ANKS1A: variants seen among roughly 807,000 people sequenced by gnomAD.
ANKS1A encodes ankyrin repeat and SAM domain-containing protein 1A.
In ANKS1A, 55 loss-of-function variants were observed where a neutral mutation model predicts 120.3. The ratio of observed to expected loss-of-function variants is 0.46; its 90% CI spans 0.37 to 0.57. The LOEUF (loss-of-function observed/expected upper bound fraction) is 0.57. Ranked by LOEUF, ANKS1A falls within the 20% of genes least tolerant of loss-of-function variation. The pLI, the probability that ANKS1A is intolerant of heterozygous loss-of-function variation, is 0.00. For missense variants in ANKS1A, 1,123 were observed against 1,480.3 expected (o/e 0.76, Z 3.96); for synonymous variants, 590 against 604.7 (o/e 0.98, Z 0.36).
chr6:35,018,136 A>G lies in ANKS1A; in HGVS notation c.2010+77A>G, dbSNP rs550820627. 6.8e-4 allele frequency: 962 copies of G among 1,424,504 alleles called. 4 individuals carry two copies. The highest frequency in any genetic ancestry group is 8.4e-4 in the South Asian group (64 of 76,218). The allele number at this position is 1,424,504 out of a possible 1,614,324, so 88.2% of individuals were successfully genotyped here. A position where few individuals can be genotyped will look rare whatever the true frequency, so the allele number is the denominator to read the frequency against. Reference sequence around the variant, plus strand: ...CCCACCACAGCTCCCGTGAGTGCCAACTCTCAGGCCCAGGATCTGGGCAAG... The same window carrying G: ...CCCACCACAGCTCCCGTGAGTGCCAGCTCTCAGGCCCAGGATCTGGGCAAG... On this transcript the variant is annotated intron_variant, in intron 11 of 23. Coordinates refer to ENST00000360359, the MANE Select transcript of ANKS1A (RefSeq NM_015245.3).
chr6:34,891,689 A>G lies in ANKS1A; in HGVS notation c.197+2090A>G, dbSNP rs572341012. 7.8e-4 allele frequency among the ~76,000 whole-genome samples: 118 copies of G among 151,966 alleles called. 1 individual carries two copies. Among genetic ancestry groups the G allele is most frequent in the Middle Eastern group, 3.4e-3 (1 of 294 alleles). On this transcript the variant is annotated intron_variant, in intron 1 of 23. Transcript: ENST00000360359. ...TGTCCACAGTCTGGAGTGCAGTGGC[A>G]GTATCTCAGCTCACTGCAACCTTCG...
intron 10 of ANKS1A, among the ~76,000 whole-genome samples, chr6:35,006,525 C>T (rs536661350): frequency 4.6e-5 from 7 of 151,910 alleles, no homozygotes; most frequent in Admixed American, 2.0e-4. Context: ...GAGGCCGAGG[C>T]GGGTGGATCA....
chr6:34,891,491 A>G (rs1157088977), intron 1 of ANKS1A, among the ~76,000 whole-genome samples: 2 of 152,242 alleles, frequency 1.3e-5, no homozygotes, highest in Admixed American at 1.3e-4. Flanking sequence ...ACAAGACTGT[A>G]CAGGTTTGGA....
At position 35,082,925 on chromosome 6, in the gene ANKS1A, T is replaced by C. The variant is rs1777768880; in HGVS notation, c.2835+109T>C. ...TCCACAAAGCCAGGCCCAGGGCTTT[T>C]GAGCTGTTCTCCACTCTCAGCCACT... is the stretch of plus-strand genomic sequence containing the variant. On this transcript the variant is annotated intron_variant, in intron 18 of 23. Transcript: ENST00000360359. This position sits in a 1 kb window ranked among gnomAD's most constrained non-coding sequence, Gnocchi z 4.1. 3.3e-6 allele frequency: 5 copies of C among 1,504,052 alleles called. No individual in the cohort carries two copies. In the East Asian group the frequency reaches 1.2e-4, roughly 35 times the overall value. The allele number at this position is 1,504,052 out of a possible 1,614,324, so 93.2% of individuals were successfully genotyped here.
chr6:34,946,601 G>A (rs2504164), intron 1 of ANKS1A, among the ~76,000 whole-genome samples: 65,818 of 149,268 alleles, frequency 0.44, 18,492 homozygotes, highest in African/African-American at 0.79. Flanking sequence ...AAAAAAAAAA[G>A]GGGGGGTTAA....
At chr6:34,893,454 T>A (rs1173541011) in intron 1 of ANKS1A, among the ~76,000 whole-genome samples, 1 of 152,172 alleles carries the variant, frequency 6.6e-6, no homozygotes, top group African/African-American at 2.4e-5. Flanking sequence ...TTTTAAATGG[T>A]GTTTTTTCAT....
chr6:35,018,563 CA>C (rs35439724), intron 11 of ANKS1A, among the ~76,000 whole-genome samples: 16,006 of 151,900 alleles, frequency 0.11, 1,192 homozygotes, highest in African/African-American at 0.2. Context: ...ATGGTAGATT[CA>C]GGGGGTACAT....
chr6:34,891,132 G>C, intron 1 of ANKS1A, among the ~76,000 whole-genome samples: 1 of 152,304 alleles, frequency 6.6e-6, no homozygotes, highest in East Asian at 1.9e-4. Context: ...CAAAAGGAGG[G>C]AGACTTAAGC....
chr6:34,971,448 C>T (rs910954160), intron 3 of ANKS1A, among the ~76,000 whole-genome samples: 1 of 152,128 alleles, frequency 6.6e-6, no homozygotes, highest in African/African-American at 2.4e-5. Flanking sequence ...AAGTTGTGTG[C>T]AAGTTTGAGA....
chr6:34,948,394 C>T (rs183467942), intron 1 of ANKS1A, among the ~76,000 whole-genome samples: 67 of 152,194 alleles, frequency 4.4e-4, no homozygotes, highest in African/African-American at 1.3e-3. Context: ...AAGAAATAAT[C>T]TGCTTGGGGA....
At chr6:35,049,966 C>A (rs961285999) in intron 11 of ANKS1A, among the ~76,000 whole-genome samples, 6 of 152,154 alleles carry the variant, frequency 3.9e-5, no homozygotes, top group African/African-American at 1.2e-4. Context: ...CCTTCAACTC[C>A]CAGTATTTAT....
chr6:34,903,714 A>G (rs1419732504), intron 1 of ANKS1A, among the ~76,000 whole-genome samples: 1 of 152,064 alleles, frequency 6.6e-6, no homozygotes, highest in African/African-American at 2.4e-5. Flanking sequence ...ACGGGGTTTC[A>G]CCATGTTGGC....
chr6:34,975,898 G>A (rs187389709), intron 3 of ANKS1A, among the ~76,000 whole-genome samples: 48 of 152,188 alleles, frequency 3.2e-4, no homozygotes, highest in African/African-American at 1.1e-3. Context: ...AGCACTTTGG[G>A]AGGCTGAGGC....
At chr6:34,895,135 A>G (rs994997220) in intron 1 of ANKS1A, among the ~76,000 whole-genome samples, 4 of 152,070 alleles carry the variant, frequency 2.6e-5, no homozygotes, top group African/African-American at 9.7e-5. Flanking sequence ...AATGTCAGAA[A>G]ATATGGCAAG....
At chr6:34,987,787 T>C (rs1772288832) in intron 8 of ANKS1A, among the ~76,000 whole-genome samples, 1 of 152,268 alleles carries the variant, frequency 6.6e-6, no homozygotes, top group African/African-American at 2.4e-5. Flanking sequence ...CAGATTTTGC[T>C]TGAGCTCTCG....
At position 35,044,654 on chromosome 6, in the gene ANKS1A, T is replaced by A. The variant is rs1775630969; in HGVS notation, c.2011-9445T>A. Among the ~76,000 whole-genome samples the A allele has an allele frequency of 1.3e-5, 2 of 152,242 alleles. No homozygotes were observed. Among genetic ancestry groups the A allele is most frequent in the Admixed American group, 1.3e-4 (2 of 15,290 alleles). On this transcript the variant is annotated intron_variant, in intron 11 of 23. Transcript: ENST00000360359. The surrounding 1 kb of genome is among the most constrained non-coding windows in gnomAD (Gnocchi z 4.4). ...AATGGAGAAGCTGCCTCCAGCTGAG[T>A]GTCCAGGAAGTGAGCTATTGTTCAC... is the stretch of plus-strand genomic sequence containing the variant.
chr6:34,975,407 T>C (rs1434799669), intron 3 of ANKS1A, among the ~76,000 whole-genome samples: 2 of 151,592 alleles, frequency 1.3e-5, no homozygotes, highest in Non-Finnish European at 2.9e-5. Context: ...TGAGCTGAGA[T>C]TGTGCCACTG....
At chr6:35,004,278 G>A (rs147257574) in intron 10 of ANKS1A, among the ~76,000 whole-genome samples, 6,829 of 152,138 alleles carry the variant, frequency 0.045, 281 homozygotes, top group African/African-American at 0.11. Context: ...TGGTGTCTGA[G>A]GGGTTTTGTC....
intron 3 of ANKS1A, among the ~76,000 whole-genome samples, chr6:34,978,556 G>C (rs1581586116): frequency 6.6e-6 from 1 of 151,972 alleles, no homozygotes; most frequent in Non-Finnish European, 1.5e-5. Context: ...CTGTAATCCC[G>C]GCACTTTGGG....
Sources: allele counts gnomAD v4.1 joint callset (sites outside exome capture counted in the v4.1 genomes callset), GRCh38; gene constraint gnomAD v4.1.1; non-coding constraint Gnocchi (gnomAD v3.1); transcripts MANE v1.5; gene names NCBI Gene and HGNC (gene_info 2026-07-23, HGNC 2026-07-21).